MGAT4C: variants seen among roughly 807,000 people sequenced by gnomAD.
MGAT4C encodes the protein MGAT4 family member C.
MGAT4C carries 19 observed loss-of-function variants against 40.1 expected under a neutral mutation model. The ratio of observed to expected loss-of-function variants is 0.47; its 90% CI spans 0.33 to 0.70. The LOEUF (loss-of-function observed/expected upper bound fraction) is 0.70, where lower values mean the gene tolerates loss of function less well. Among genes scored for constraint, MGAT4C ranks in the 30% least tolerant of loss-of-function variants. The pLI, the probability that MGAT4C is intolerant of heterozygous loss-of-function variation, is 0.02. For synonymous variants in MGAT4C, 181 were observed against 187.1 expected, an observed-to-expected ratio of 0.97 and a Z score of 0.27; for missense variants, 491 against 563.2, an observed-to-expected ratio of 0.87 and a Z score of 1.30.
At chr12:86,215,351 T>G (rs61949008) in intron 1 of MGAT4C, among the ~76,000 whole-genome samples, 11,175 of 152,300 alleles carry the variant, frequency 0.073, 578 homozygotes, top group Middle Eastern at 0.22. Context: ...GGGGTATCTT[T>G]GCAATTTTCA....
chr12:86,689,266 C>T (rs887769338), intron 2 of MGAT4C, among the ~76,000 whole-genome samples: 3 of 152,118 alleles, frequency 2.0e-5, no homozygotes, highest in Non-Finnish European at 4.4e-5. Context: ...AGGTTCTTAG[C>T]TTCCTTGCCC....
intron 2 of MGAT4C, among the ~76,000 whole-genome samples, chr12:86,636,070 A>C (rs77296194): frequency 6.6e-6 from 1 of 152,008 alleles, no homozygotes. Context: ...AACGTGCTGC[A>C]CAGGTTTGTA....
chr12:86,463,267 TA>T (rs1180846447), intron 2 of MGAT4C, among the ~76,000 whole-genome samples: 2 of 152,184 alleles, frequency 1.3e-5, no homozygotes, highest in African/African-American at 4.8e-5. Context: ...TTTGAAAATA[TA>T]AAAAGACCTT....
chr12:86,108,373 T>G (rs1586938), intron 1 of MGAT4C, among the ~76,000 whole-genome samples: 5,277 of 152,224 alleles, frequency 0.035, 291 homozygotes, highest in East Asian at 0.28. Flanking sequence ...ACTCCTACAT[T>G]TAAAGAATAA....
chr12:86,612,146 TTATACTC>T (rs1340338470), intron 2 of MGAT4C, among the ~76,000 whole-genome samples: 1 of 152,110 alleles, frequency 6.6e-6, no homozygotes, highest in Non-Finnish European at 1.5e-5. Context: ...ACCTCACACT[TTATACTC>T]TAATGATAAC....
intron 2 of MGAT4C, among the ~76,000 whole-genome samples, chr12:86,009,441 G>A (rs1415876339): frequency 6.6e-6 from 1 of 152,010 alleles, no homozygotes; most frequent in Non-Finnish European, 1.5e-5. Context: ...GTATCTGCTT[G>A]TGAATTACAG....
intron 2 of MGAT4C, among the ~76,000 whole-genome samples, chr12:86,691,345 C>A (rs1950170171): frequency 1.3e-5 from 2 of 152,102 alleles, no homozygotes; most frequent in Non-Finnish European, 2.9e-5. Flanking sequence ...AAGTTCTTTT[C>A]CCTTTGAGCT....
At chr12:86,570,199 TCACCA>T (rs1960304254) in intron 2 of MGAT4C, among the ~76,000 whole-genome samples, 3 of 152,124 alleles carry the variant, frequency 2.0e-5, no homozygotes, top group Non-Finnish European at 4.4e-5. Flanking sequence ...TTATGTGTTC[TCACCA>T]CAAAAAAGAC....
intron 2 of MGAT4C, among the ~76,000 whole-genome samples, chr12:86,521,181 T>C (rs749747613): frequency 2.0e-5 from 3 of 152,208 alleles, no homozygotes; most frequent in Non-Finnish European, 4.4e-5. Context: ...TAGGTTGTCT[T>C]CAAGGGTTTT....
At chr12:86,271,254 C>G (rs1044102042) in intron 4 of MGAT4C, among the ~76,000 whole-genome samples, 1 of 152,140 alleles carries the variant, frequency 6.6e-6, no homozygotes, top group African/African-American at 2.4e-5. Context: ...TATTTGCAAA[C>G]TATCCACCCA....
At chr12:86,455,963 T>G (rs1272311737) in intron 2 of MGAT4C, among the ~76,000 whole-genome samples, 1 of 152,126 alleles carries the variant, frequency 6.6e-6, no homozygotes, top group Non-Finnish European at 1.5e-5. Flanking sequence ...TAAATCTTCT[T>G]AAATATTAAA....
intron 2 of MGAT4C, among the ~76,000 whole-genome samples, chr12:86,588,970 C>T (rs1375421838): frequency 1.3e-5 from 2 of 150,786 alleles, no homozygotes; most frequent in Admixed American, 6.6e-5. Flanking sequence ...AAAATTGACA[C>T]CCTAACGTCA....
chr12:86,755,583 C>A (rs986875755), intron 1 of MGAT4C, among the ~76,000 whole-genome samples: 1 of 141,290 alleles, frequency 7.1e-6, no homozygotes, highest in African/African-American at 2.6e-5. Flanking sequence ...CTTTTTTTTT[C>A]TTTTCTTTCT....
At chr12:86,643,775 T>A (rs1201239242) in intron 2 of MGAT4C, among the ~76,000 whole-genome samples, 1 of 151,832 alleles carries the variant, frequency 6.6e-6, no homozygotes, top group Non-Finnish European at 1.5e-5. Context: ...TAAAACTATA[T>A]GAATATGTGA....
chr12:86,066,436 C>G (rs1328843976), intron 1 of MGAT4C, among the ~76,000 whole-genome samples: 1 of 151,218 alleles, frequency 6.6e-6, no homozygotes, highest in Admixed American at 6.6e-5. Flanking sequence ...CTTTGACAAA[C>G]CTGAAAAAAA....
chr12:86,284,669 A>C (rs905434263), intron 4 of MGAT4C, among the ~76,000 whole-genome samples: 1 of 151,994 alleles, frequency 6.6e-6, no homozygotes, highest in Non-Finnish European at 1.5e-5. Context: ...ATTTGTCTGT[A>C]TTAAAGATTT....
At chr12:86,214,764 T>C (rs1950603842) in intron 1 of MGAT4C, among the ~76,000 whole-genome samples, 1 of 152,234 alleles carries the variant, frequency 6.6e-6, no homozygotes, top group Admixed American at 6.5e-5. Context: ...CTTCCACATA[T>C]AAATTTTAGA....
chr12:86,110,296 C>CTATATATATAGTCTATATATATATAG (rs375212206), intron 1 of MGAT4C, among the ~76,000 whole-genome samples: 1 of 18,936 alleles, frequency 5.3e-5, no homozygotes, highest in Non-Finnish European at 9.4e-5. Flanking sequence ...TATATATAGT[C>CTATATATATAGTCTATATATATATAG]TCTCTATATA....
At chr12:86,331,468 A>G (rs886385026) in intron 4 of MGAT4C, among the ~76,000 whole-genome samples, 2 of 152,124 alleles carry the variant, frequency 1.3e-5, no homozygotes, top group Non-Finnish European at 2.9e-5. Flanking sequence ...GGAAGGTCAT[A>G]TACCAGTTAA....
Sources: gnomAD v4.1 joint callset for allele counts (sites outside exome capture counted in the v4.1 genomes callset) on GRCh38, gnomAD v4.1.1 for gene constraint, MANE v1.5 for transcripts, NCBI Gene and HGNC (gene_info 2026-07-23, HGNC 2026-07-21) for gene names.